Variants in CHRNB1 observed in about 807,000 individuals in gnomAD.
CHRNB1 encodes cholinergic receptor nicotinic beta 1 subunit, also known as acetylcholine receptor subunit beta.
A neutral mutation model predicts 53.8 loss-of-function variants in CHRNB1; 47 were observed. The ratio of observed to expected loss-of-function variants is 0.87; its 90% CI spans 0.69 to 1.11. The LOEUF (loss-of-function observed/expected upper bound fraction) is 1.11, where lower values mean the gene tolerates loss of function less well. Among genes scored for constraint, CHRNB1 ranks in the 50% most tolerant of loss-of-function variants. The pLI is 0.00. For synonymous variants in CHRNB1, 259 were observed against 263.5 expected (o/e 0.98, Z 0.16); for missense variants, 605 against 654.9 (o/e 0.92, Z 0.83).
At chr17:7,451,777 G>A (rs1370798841) in intron 7 of CHRNB1, among the ~76,000 whole-genome samples, 1 of 152,298 alleles carries the variant, frequency 6.6e-6, no homozygotes, top group Non-Finnish European at 1.5e-5. Flanking sequence ...GCCAGGTGCT[G>A]TTTAATCTTG....
rs189787934 is a variant in CHRNB1, at chr17:7,452,309, C to T, written c.821-1988C>T. Among the ~76,000 whole-genome samples the T allele has an allele frequency of 5.8e-3, 876 of 152,170 alleles. 4 individuals carry two copies. The highest frequency in any genetic ancestry group is 0.019 in the African/African-American group (807 of 41,506). ...CTGACCTCAGGTGATCTGACCGCCT[C>T]AGCCTCCCAAAATGCTAGGATTACA... On this transcript the variant is annotated intron_variant, in intron 7 of 10. Coordinates refer to ENST00000306071, the MANE Select transcript of CHRNB1 (RefSeq NM_000747.3).
intron 6 of CHRNB1, 106 bp from the exon 7 acceptor site, chr17:7,448,473 C>A: frequency 1.9e-6 from 2 of 1,032,996 alleles, no homozygotes; most frequent in Non-Finnish European, 3.0e-6. Flanking sequence ...CAGCTAGTTT[C>A]ATCAAGTCAG....
In CHRNB1 at chr17:7,456,748, C is replaced by T; in HGVS notation, c.*25C>T. ...AAGACTGGAGGGTTGAGACCCAGGC[C>T]CCCTGCCAGTTGAAGTGAGAGTTTG... On this transcript the variant is annotated 3_prime_UTR_variant, in exon 11 of 11. Transcript: ENST00000306071. 1 of 1,614,086 alleles carries T rather than the reference C, an allele frequency of 6.2e-7. No homozygotes were observed. The highest frequency in any genetic ancestry group is 8.5e-7 in the Non-Finnish European group (1 of 1,180,002).
chr17:7,452,422 G>A, intron 7 of CHRNB1, among the ~76,000 whole-genome samples: 1 of 152,196 alleles, frequency 6.6e-6, no homozygotes, highest in Admixed American at 6.5e-5. Flanking sequence ...GGGAGAAAAG[G>A]ATGGAGCAAA....
chr17:7,446,266 T>C, intron 3 of CHRNB1, 153 bp downstream of exon 3: 1 of 699,230 alleles, frequency 1.4e-6, no homozygotes, highest in Middle Eastern at 2.8e-4. Flanking sequence ...TTAACTTTAC[T>C]ACAGGAGTTA....
chr17:7,445,463 CT>C lies in CHRNB1; in HGVS notation c.198+57del. The C allele has an allele frequency of 7.5e-6, 12 of 1,593,898 alleles. No homozygotes were observed. The South Asian group carries it at 1.3e-4, about 18-fold the overall frequency. On this transcript the variant is annotated intron_variant, in intron 2 of 10. Coordinates refer to ENST00000306071, the MANE Select transcript of CHRNB1 (RefSeq NM_000747.3). This position sits in a 1 kb window ranked among gnomAD's most constrained non-coding sequence, Gnocchi z 5.7. ...GCCAGCCGACCGGCCGGGGGCGTGGCTTTAGGCAAGGCCGGACCAGGGACAG... is the reference window on the plus strand; with the variant it reads ...GCCAGCCGACCGGCCGGGGGCGTGGCTTAGGCAAGGCCGGACCAGGGACAG...
Position 7,447,572 on chromosome 17 carries a change from G to A in CHRNB1, c.532G>A (p.Glu178Lys). ...CAGCTCCTACAGCTACGACAGCTCG[G>A]AGGTCAGCCTGCAGACAGGCCTGGG... The part of the protein sequence containing the change: ...VFSSYSYDSS[E>K]VSLQTGLGPD... The change falls in exon 6 of 11, where the codon GAG (glutamate) becomes AAG (lysine). Residue 178 changes from glutamate (E) to lysine (K), a missense_variant. Transcript: ENST00000306071. The A allele has an allele frequency of 6.2e-7, 1 of 1,614,182 alleles. No homozygotes were observed. The highest frequency in any genetic ancestry group is 8.5e-7 in the Non-Finnish European group (1 of 1,180,026).
At chr17:7,446,372 T>TGTGTGTGTGTGTGTGTGA (rs1567676896) in intron 3 of CHRNB1, 2 of 562,802 alleles carry the variant, frequency 3.6e-6, no homozygotes, top group Non-Finnish European at 6.4e-6. Context: ...TGTGTGTGTG[T>TGTGTGTGTGTGTGTGTGA]GATGCGGTCT....
chr17:7,453,408 T>G (rs1357898516), intron 7 of CHRNB1, among the ~76,000 whole-genome samples: 5 of 152,084 alleles, frequency 3.3e-5, no homozygotes, highest in African/African-American at 9.7e-5. Flanking sequence ...TGTGAGCCAC[T>G]GTACCCGGCT....
At position 7,447,139 on chromosome 17, in the gene CHRNB1, C is replaced by T. The variant is rs1283018113; in HGVS notation, c.450C>T (p.Ser150=). Residue 150 remains serine, a synonymous_variant, in exon 5 of 11, where the codon AGC becomes AGT. Transcript: ENST00000306071. ...RWQPPGIYRS[S]CSIQVTYFPF... is the part of the protein sequence containing the mutation. ...AACCCCCGGGCATCTATCGCAGCAG[C>T]TGCAGCATCCAGGTTTCCGGCCTCC... The T allele has an allele frequency of 7.4e-6, 12 of 1,613,792 alleles. No homozygotes were observed. In the African/African-American group the frequency reaches 9.3e-5, roughly 13 times the overall value.
At chr17:7,446,016 C>T in intron 2 of CHRNB1, 53 bp from the exon 3 acceptor site, 1 of 1,561,964 alleles carries the variant, frequency 6.4e-7, no homozygotes, top group South Asian at 1.1e-5. Flanking sequence ...CCCGAGCCCC[C>T]TCATTTCTCT....
chr17:7,446,005 C>T, intron 2 of CHRNB1, 64 bp from the exon 3 acceptor site: 2 of 1,479,968 alleles, frequency 1.4e-6, no homozygotes, highest in East Asian at 2.3e-5. Context: ...GAGGTTGGCC[C>T]CCCGAGCCCC....
chr17:7,455,668 G>A, intron 9 of CHRNB1, 126 bp from the exon 10 acceptor site: 1 of 1,381,812 alleles, frequency 7.2e-7, no homozygotes, highest in Non-Finnish European at 1.0e-6. Flanking sequence ...CACTGCTGGA[G>A]GGAAAAGCAT....
At chr17:7,450,090 A>T (rs1190186640) in intron 7 of CHRNB1, among the ~76,000 whole-genome samples, 2 of 150,346 alleles carry the variant, frequency 1.3e-5, no homozygotes, top group Non-Finnish European at 3.0e-5. Context: ...TAATAGTAAT[A>T]GTCAACATAT....
chr17:7,448,500 C>T, intron 6 of CHRNB1, 79 bp from the exon 7 acceptor site: 2 of 1,378,940 alleles, frequency 1.5e-6, no homozygotes, highest in South Asian at 2.4e-5. Flanking sequence ...CAGGTCTAGG[C>T]TGTGGCAGAG....
Position 7,455,455 on chromosome 17 carries a change from A to G in CHRNB1, c.1216A>G (p.Arg406Gly). The G allele has an allele frequency of 6.2e-7, 1 of 1,614,054 alleles. No individual in the cohort carries two copies. Among genetic ancestry groups the G allele is most frequent in the Non-Finnish European group, 8.5e-7 (1 of 1,179,962 alleles). Residue 406 changes from arginine (R) to glycine (G), a missense_variant and splice_region_variant, in exon 9 of 11, where the codon AGG becomes GGG. By Grantham distance (125) the Arg-to-Gly change is moderately radical (BLOSUM62 -2). Transcript: ENST00000306071. ...TGATTTTCTCTTCCCCAAACCCAAT[A>G]GGTAGGACTACGCCCGTTACCCACA... ...PSDFLFPKPNRFQPELSAPDL... is the reference protein window; with the variant it reads ...PSDFLFPKPNGFQPELSAPDL...
chr17:7,454,395 A>G lies in CHRNB1; in HGVS notation c.919A>G (p.Ile307Val). The G allele has an allele frequency of 1.9e-6, 3 of 1,614,090 alleles. No homozygotes were observed. Among genetic ancestry groups the G allele is most frequent in the Non-Finnish European group, 2.5e-6 (3 of 1,179,998 alleles). The change falls in exon 8 of 11, where the codon ATT becomes GTT. Residue 307 changes from isoleucine (I) to valine (V), a missense_variant. Ile to Val is a conservative substitution (Grantham distance 29). Transcript: ENST00000306071. ...KVPETSLSVP[I>V]IIKYLMFTMV... is the part of the protein sequence containing the mutation. ...ACCTGAGACCTCACTATCAGTACCC[A>G]TTATTATCAAGTACCTCATGTTTAC... is the stretch of plus-strand genomic sequence containing the variant.
intron 10 of CHRNB1, among the ~76,000 whole-genome samples, chr17:7,456,251 A>C (rs2069949953): frequency 6.6e-6 from 1 of 151,318 alleles, no homozygotes; most frequent in Admixed American, 6.6e-5. Context: ...ACGTGGCTTC[A>C]CCATGTTGGC....
rs201453432 is a variant in CHRNB1, at chr17:7,447,552, C to A, written c.512C>A (p.Ser171Tyr). 12 of 1,614,206 alleles carry A rather than the reference C, an allele frequency of 7.4e-6. No individual in the cohort carries two copies. The East Asian group carries it at 2.7e-4, about 36-fold the overall frequency. Residue 171 changes from serine to tyrosine, a missense_variant, in exon 6 of 11, where the codon TCC becomes TAC. Ser to Tyr is a moderately radical substitution (Grantham distance 144, BLOSUM62 -2). Coordinates refer to ENST00000306071, the MANE Select transcript of CHRNB1 (RefSeq NM_000747.3). ...DWQNCTMVFS[S>Y]YSYDSSEVSL... ...CAGAATTGCACTATGGTGTTCAGCTCCTACAGCTACGACAGCTCGGAGGTC... is the reference window on the plus strand; with the variant it reads ...CAGAATTGCACTATGGTGTTCAGCTACTACAGCTACGACAGCTCGGAGGTC...
Sources: allele counts gnomAD v4.1 joint callset (sites outside exome capture counted in the v4.1 genomes callset), GRCh38; gene constraint gnomAD v4.1.1; non-coding constraint Gnocchi (gnomAD v3.1); transcripts MANE v1.5; gene names NCBI Gene and HGNC (gene_info 2026-07-23, HGNC 2026-07-21).